Variants in ZNF804B observed in about 807,000 individuals in gnomAD.
ZNF804B encodes the protein zinc finger 804B.
ZNF804B carries 80 observed loss-of-function variants against 101.4 expected under a neutral mutation model. That is an observed-to-expected ratio of 0.79 (90% CI 0.66 to 0.95). The LOEUF (loss-of-function observed/expected upper bound fraction) is 0.95, where lower values mean the gene tolerates loss of function less well. Ranked by LOEUF, ZNF804B falls within the 40% of genes least tolerant of loss-of-function variation. The pLI, the probability that ZNF804B is intolerant of heterozygous loss-of-function variation, is 0.00. For synonymous variants in ZNF804B, 622 were observed against 558.8 expected (o/e 1.11, Z -1.59); for missense variants, 1,673 against 1,561.9 (o/e 1.07, Z -1.20).
chr7:89,020,106 A>G (rs1290091018), intron 1 of ZNF804B, among the ~76,000 whole-genome samples: 1 of 152,128 alleles, frequency 6.6e-6, no homozygotes, highest in Non-Finnish European at 1.5e-5. Flanking sequence ...GCTGTAATAA[A>G]GATAGAACCT....
intron 2 of ZNF804B, among the ~76,000 whole-genome samples, chr7:89,299,086 T>A (rs571862664): frequency 6.6e-6 from 1 of 152,146 alleles, no homozygotes; most frequent in East Asian, 1.9e-4. Context: ...ATTCCATCCT[T>A]CTTTTCACCT....
chr7:88,857,249 A>C (rs1791574552), intron 1 of ZNF804B, among the ~76,000 whole-genome samples: 1 of 152,170 alleles, frequency 6.6e-6, no homozygotes, highest in Non-Finnish European at 1.5e-5. Context: ...GAAGGCAAGA[A>C]ATAACTAAGA....
intron 1 of ZNF804B, among the ~76,000 whole-genome samples, chr7:88,807,326 ATAAGTT>A (rs901414514): frequency 1.3e-5 from 2 of 152,228 alleles, no homozygotes; most frequent in Admixed American, 6.5e-5. Flanking sequence ...AAGAACAAAA[ATAAGTT>A]TATGTTATAA....
chr7:89,294,225 A>T (rs7798481), intron 2 of ZNF804B, among the ~76,000 whole-genome samples: 3,261 of 152,222 alleles, frequency 0.021, 100 homozygotes, highest in African/African-American at 0.074. Context: ...TCTGCATTTT[A>T]GGTAAAAACC....
At chr7:88,972,245 A>G (rs1793550180) in intron 1 of ZNF804B, among the ~76,000 whole-genome samples, 1 of 151,448 alleles carries the variant, frequency 6.6e-6, no homozygotes, top group African/African-American at 2.4e-5. Context: ...ATACTGTCTC[A>G]TTTCTCACCA....
intron 2 of ZNF804B, among the ~76,000 whole-genome samples, chr7:89,232,900 ATTTT>A (rs1789217937): frequency 6.6e-6 from 1 of 151,684 alleles, no homozygotes; most frequent in African/African-American, 2.4e-5. Context: ...CTTTCTCCTT[ATTTT>A]GTGTGTAATT....
intron 1 of ZNF804B, among the ~76,000 whole-genome samples, chr7:89,029,263 C>A (rs925506639): frequency 1.3e-5 from 2 of 152,040 alleles, no homozygotes; most frequent in Non-Finnish European, 2.9e-5. Flanking sequence ...ACCATCACAC[C>A]CAGCTAATTT....
chr7:88,894,818 TA>T (rs1349719402), intron 1 of ZNF804B, among the ~76,000 whole-genome samples: 1 of 152,034 alleles, frequency 6.6e-6, no homozygotes, highest in African/African-American at 2.4e-5. Context: ...ATTATGAAGA[TA>T]AAAATAGATC....
intron 1 of ZNF804B, among the ~76,000 whole-genome samples, chr7:88,856,309 A>C (rs1791558525): frequency 6.6e-6 from 1 of 152,066 alleles, no homozygotes. Flanking sequence ...TTCTCCTTGA[A>C]GAGGTCCTTC....
intron 1 of ZNF804B, among the ~76,000 whole-genome samples, chr7:88,815,115 A>G (rs569371654): frequency 2.0e-5 from 3 of 148,532 alleles, no homozygotes. Context: ...ATTCTCACAT[A>G]TATGTATGTA....
intron 1 of ZNF804B, among the ~76,000 whole-genome samples, chr7:89,102,733 C>T (rs1790074172): frequency 6.6e-6 from 1 of 151,778 alleles, no homozygotes; most frequent in African/African-American, 2.4e-5. Context: ...CTTTTGGAGT[C>T]TTTGTCATAA....
intron 1 of ZNF804B, among the ~76,000 whole-genome samples, chr7:89,210,078 G>A (rs1291060117): frequency 2.0e-5 from 3 of 151,848 alleles, no homozygotes; most frequent in East Asian, 3.9e-4. Context: ...GAACCGGGAA[G>A]CAGAGGTTTT....
chr7:88,802,569 G>C (rs1476140408), intron 1 of ZNF804B, among the ~76,000 whole-genome samples: 1 of 151,794 alleles, frequency 6.6e-6, no homozygotes, highest in Non-Finnish European at 1.5e-5. Flanking sequence ...AAGTGGATTG[G>C]GACAAGATTA....
At chr7:89,152,434 C>G in intron 1 of ZNF804B, among the ~76,000 whole-genome samples, 1 of 151,642 alleles carries the variant, frequency 6.6e-6, no homozygotes, top group Admixed American at 6.6e-5. Flanking sequence ...CAGTTTTTTT[C>G]TATTAAATTC....
At chr7:88,848,604 A>G (rs1242390050) in intron 1 of ZNF804B, among the ~76,000 whole-genome samples, 2 of 151,660 alleles carry the variant, frequency 1.3e-5, no homozygotes, top group African/African-American at 4.9e-5. Context: ...GAGATGTTTC[A>G]TATGAAAATG....
intron 1 of ZNF804B, among the ~76,000 whole-genome samples, chr7:89,141,634 C>T (rs996148485): frequency 6.6e-6 from 1 of 151,914 alleles, no homozygotes; most frequent in Non-Finnish European, 1.5e-5. Context: ...TGAGGAATCA[C>T]CATATTGTCT....
chr7:89,015,598 G>T (rs1344955490), intron 1 of ZNF804B, among the ~76,000 whole-genome samples: 6 of 148,670 alleles, frequency 4.0e-5, no homozygotes, highest in Non-Finnish European at 7.4e-5. Context: ...TTGGTTTTTT[G>T]TCCTTGCGAT....
At chr7:88,841,167 A>G (rs1230481692) in intron 1 of ZNF804B, among the ~76,000 whole-genome samples, 1 of 152,176 alleles carries the variant, frequency 6.6e-6, no homozygotes, top group Admixed American at 6.6e-5. Context: ...TTGGGAGGTT[A>G]TTTACATCAC....
chr7:89,152,958 G>A (rs547456993), intron 1 of ZNF804B, among the ~76,000 whole-genome samples: 1 of 152,138 alleles, frequency 6.6e-6, no homozygotes, highest in South Asian at 2.1e-4. Flanking sequence ...TCATCCACAG[G>A]TGTATGAAAG....
Sources: gnomAD v4.1 joint callset for allele counts (sites outside exome capture counted in the v4.1 genomes callset) on GRCh38, gnomAD v4.1.1 for gene constraint, MANE v1.5 for transcripts, NCBI Gene and HGNC (gene_info 2026-07-23, HGNC 2026-07-21) for gene names.